Variants in EPB41L4A observed in about 807,000 individuals in gnomAD.
EPB41L4A encodes the protein erythrocyte membrane protein band 4.1 like 4A.
In EPB41L4A, 100 loss-of-function variants were observed where a neutral mutation model predicts 108.6. The ratio of observed to expected loss-of-function variants is 0.92; its 90% CI spans 0.78 to 1.09. The LOEUF (loss-of-function observed/expected upper bound fraction) is 1.09. Ranked by LOEUF, EPB41L4A falls within the 50% of genes least tolerant of loss-of-function variation. EPB41L4A has a pLI of 0.00. For missense variants in EPB41L4A, 1,030 were observed against 842.7 expected, an observed-to-expected ratio of 1.22 and a Z score of -2.75; for synonymous variants, 319 against 289.0, an observed-to-expected ratio of 1.10 and a Z score of -1.05.
At chr5:112,371,413 C>G (rs1759487244) in intron 1 of EPB41L4A, among the ~76,000 whole-genome samples, 1 of 152,194 alleles carries the variant, frequency 6.6e-6, no homozygotes, top group African/African-American at 2.4e-5. Context: ...ACCAAAACAT[C>G]TGGTAGCACC....
intron 1 of EPB41L4A, among the ~76,000 whole-genome samples, chr5:112,339,535 T>TATAGATAG (rs1561585668): frequency 9.7e-5 from 11 of 113,222 alleles, no homozygotes; most frequent in East Asian, 3.1e-4. Flanking sequence ...TATCTATATA[T>TATAGATAG]ATATATATTT....
At chr5:112,225,231 G>C (rs2150344967) in intron 12 of EPB41L4A, among the ~76,000 whole-genome samples, 1 of 152,300 alleles carries the variant, frequency 6.6e-6, no homozygotes, top group East Asian at 1.9e-4. Context: ...TCTATACCAT[G>C]AGTCTTCCTC....
chr5:112,215,762 C>A (rs865943447), intron 12 of EPB41L4A, among the ~76,000 whole-genome samples: 263 of 101,306 alleles, frequency 2.6e-3, no homozygotes, highest in African/African-American at 3.0e-3. Flanking sequence ...GACTCCATCT[C>A]AAAAAAAAAA....
chr5:112,341,771 CACACAT>C (rs1185388687), intron 1 of EPB41L4A, among the ~76,000 whole-genome samples: 1 of 151,784 alleles, frequency 6.6e-6, no homozygotes, highest in African/African-American at 2.4e-5. Flanking sequence ...CACACACACA[CACACAT>C]ACACACACAC....
chr5:112,242,195 G>C (rs1250083915), intron 9 of EPB41L4A, among the ~76,000 whole-genome samples: 1 of 152,202 alleles, frequency 6.6e-6, no homozygotes, highest in African/African-American at 2.4e-5. Context: ...GATATTGTTT[G>C]ATAGCATTTG....
rs115869928 is a variant in EPB41L4A, at chr5:112,276,848, T to A, written c.257-1444A>T. Among the ~76,000 whole-genome samples, 830 of 152,326 alleles carry A rather than the reference T, an allele frequency of 5.4e-3. 6 individuals carry two copies. Among genetic ancestry groups the A allele is most frequent in the African/African-American group, 0.019 (777 of 41,580 alleles). ...CCTGTTCCTGGCATGTGGGAGACCA[T>A]CAAGATGAGGATCCTGCCCCTCCCC... On this transcript the variant is annotated intron_variant, in intron 3 of 22. Transcript: ENST00000261486.
intron 1 of EPB41L4A, among the ~76,000 whole-genome samples, chr5:112,398,383 T>A (rs548344248): frequency 6.6e-6 from 1 of 151,636 alleles, no homozygotes; most frequent in East Asian, 1.9e-4. Flanking sequence ...GAATGTGGGG[T>A]TTTTTTTGTT....
chr5:112,314,538 A>AAAAAAAAAAAAAAAAAAAAAAG (rs1561563700), intron 1 of EPB41L4A, among the ~76,000 whole-genome samples: 1 of 111,238 alleles, frequency 9.0e-6, no homozygotes, highest in East Asian at 2.3e-4. Flanking sequence ...AAAAAAAAAA[A>AAAAAAAAAAAAAAAAAAAAAAG]GAAAAGAAAT....
At chr5:112,383,794 A>C (rs1015741094) in intron 1 of EPB41L4A, among the ~76,000 whole-genome samples, 1 of 152,240 alleles carries the variant, frequency 6.6e-6, no homozygotes, top group Non-Finnish European at 1.5e-5. Context: ...AAATTTAAAC[A>C]AACAAATGGT....
At chr5:112,272,496 G>A (rs940921672) in intron 4 of EPB41L4A, among the ~76,000 whole-genome samples, 7 of 151,660 alleles carry the variant, frequency 4.6e-5, no homozygotes, top group Admixed American at 2.6e-4. Context: ...AGTTAATTAT[G>A]GAATACAATG....
chr5:112,399,983 C>T (rs192378768), intron 1 of EPB41L4A, among the ~76,000 whole-genome samples: 5 of 152,318 alleles, frequency 3.3e-5, no homozygotes, highest in Admixed American at 3.3e-4. Context: ...TCTTGCATTG[C>T]TATAAAGAAA....
At chr5:112,325,763 C>A (rs1461063712) in intron 1 of EPB41L4A, among the ~76,000 whole-genome samples, 1 of 152,146 alleles carries the variant, frequency 6.6e-6, no homozygotes, top group Non-Finnish European at 1.5e-5. Flanking sequence ...GCTGCTTAAC[C>A]ACTCAGTTTC....
intron 1 of EPB41L4A, among the ~76,000 whole-genome samples, chr5:112,414,312 G>T (rs1423837548): frequency 1.3e-5 from 2 of 152,146 alleles, no homozygotes; most frequent in Non-Finnish European, 2.9e-5. Flanking sequence ...AAGTTACCCC[G>T]CATTCAATAT....
intron 1 of EPB41L4A, among the ~76,000 whole-genome samples, chr5:112,346,320 G>A (rs1168777739): frequency 1.4e-5 from 2 of 142,462 alleles, no homozygotes; most frequent in Non-Finnish European, 3.0e-5. Context: ...CCGCCTCCCG[G>A]GTTCAAGCGA....
intron 3 of EPB41L4A, among the ~76,000 whole-genome samples, chr5:112,276,780 T>C (rs1297952209): frequency 2.0e-5 from 3 of 152,186 alleles, no homozygotes; most frequent in Non-Finnish European, 4.4e-5. Flanking sequence ...TTACTATTTA[T>C]TAATATTACA....
intron 22 of EPB41L4A, 121 bp from the exon 23 acceptor site, chr5:112,165,239 A>C: frequency 1.4e-6 from 1 of 732,160 alleles, no homozygotes; most frequent in Non-Finnish European, 2.2e-6. Flanking sequence ...CAAAAGTTTC[A>C]TAATACCAAA....
At chr5:112,205,567 C>A (rs1219145911) in intron 13 of EPB41L4A, 63 bp from the exon 14 acceptor site, 2 of 1,279,214 alleles carry the variant, frequency 1.6e-6, no homozygotes. Flanking sequence ...AACTCACATA[C>A]TTATTTGTTA....
intron 2 of EPB41L4A, among the ~76,000 whole-genome samples, chr5:112,283,242 C>G (rs935147407): frequency 1.3e-5 from 2 of 152,154 alleles, no homozygotes; most frequent in Non-Finnish European, 2.9e-5. Flanking sequence ...CACCCTAGAG[C>G]CGGCCACACA....
intron 8 of EPB41L4A, 118 bp downstream of exon 8, chr5:112,259,773 A>G (rs1023312965): frequency 5.4e-6 from 4 of 734,174 alleles, no homozygotes; most frequent in Non-Finnish European, 9.5e-6. Context: ...AATTTCACTC[A>G]TTTATTTATC....
Sources: gnomAD v4.1 joint callset for allele counts (sites outside exome capture counted in the v4.1 genomes callset) on GRCh38, gnomAD v4.1.1 for gene constraint, MANE v1.5 for transcripts, NCBI Gene and HGNC (gene_info 2026-07-23, HGNC 2026-07-21) for gene names.